The following NLGN1 variants were observed in gnomAD, a reference collection of about 807,000 sequenced individuals.
NLGN1 encodes neuroligin-1.
In NLGN1, 12 loss-of-function variants were observed where a neutral mutation model predicts 65.5. That is an observed-to-expected ratio of 0.18 (90% CI 0.12 to 0.30). The LOEUF (loss-of-function observed/expected upper bound fraction) is 0.30, where lower values mean the gene tolerates loss of function less well. NLGN1 is among the 10% of genes least tolerant of loss of function. The probability of loss-of-function intolerance (pLI) is 1.00; values close to 1 mark genes in which losing one functional copy is unlikely to be tolerated. For missense variants in NLGN1, 750 were observed against 1,007.1 expected, an observed-to-expected ratio of 0.74 and a Z score of 3.46; for synonymous variants, 350 against 359.5, an observed-to-expected ratio of 0.97 and a Z score of 0.30.
rs541457958 is a variant in NLGN1, at chr3:173,917,931, TCAAA to T, written c.646+110101_646+110104del. On this transcript the variant is annotated intron_variant, in intron 4 of 6. Transcript: ENST00000457714. ...TGATTTTAAATCAACAGGCTATGGT[TCAAA>T]CCATTTCACTTCCTTTCAGTTTGTC... Among the ~76,000 whole-genome samples the T allele has an allele frequency of 4.9e-3, 749 of 152,020 alleles. 8 individuals carry two copies. Among genetic ancestry groups the T allele is most frequent in the African/African-American group, 0.016 (645 of 41,460 alleles).
chr3:173,399,018 C>G lies in NLGN1; in HGVS notation c.-390+531C>G, dbSNP rs570936512. Among the ~76,000 whole-genome samples, 64 of 152,246 alleles carry G rather than the reference C, an allele frequency of 4.2e-4. No individual in the cohort carries two copies. In the East Asian group the frequency reaches 0.011, roughly 27 times the overall value. On this transcript the variant is annotated intron_variant, in intron 1 of 6. Transcript: ENST00000457714. The stretch of plus-strand genomic sequence containing the variant: ...ATTTCTATCAGCCATTGTAACCTAG[C>G]AGAACACAAGGTTTTTGAAATGAGC...
intron 4 of NLGN1, among the ~76,000 whole-genome samples, chr3:174,162,330 T>C (rs2152722375): frequency 6.6e-6 from 1 of 152,088 alleles, no homozygotes; most frequent in East Asian, 1.9e-4. Flanking sequence ...CATTCTGTAT[T>C]TTGTATCAAT....
At chr3:174,212,157 C>T (rs1412349534) in intron 4 of NLGN1, among the ~76,000 whole-genome samples, 1 of 152,212 alleles carries the variant, frequency 6.6e-6, no homozygotes. Flanking sequence ...TGGAGCACAG[C>T]GCCGGTGGGC....
chr3:174,208,500 A>G (rs535128260), intron 4 of NLGN1, among the ~76,000 whole-genome samples: 1 of 152,266 alleles, frequency 6.6e-6, no homozygotes, highest in African/African-American at 2.4e-5. Flanking sequence ...TAGAAAGCTA[A>G]GTCTAGGGTC....
intron 3 of NLGN1, among the ~76,000 whole-genome samples, chr3:173,748,345 A>G (rs1372700397): frequency 1.3e-5 from 2 of 152,104 alleles, no homozygotes; most frequent in African/African-American, 4.8e-5. Flanking sequence ...ATAGGGGCAG[A>G]GGAAGTTGCA....
intron 2 of NLGN1, among the ~76,000 whole-genome samples, chr3:173,573,051 G>C (rs1399431620): frequency 1.3e-5 from 2 of 152,158 alleles, no homozygotes; most frequent in Non-Finnish European, 1.5e-5. Flanking sequence ...CCCCTCAACT[G>C]TCCATTCCAT....
chr3:174,127,136 A>G (rs1719110594), intron 4 of NLGN1, among the ~76,000 whole-genome samples: 2 of 152,194 alleles, frequency 1.3e-5, no homozygotes, highest in South Asian at 4.1e-4. Flanking sequence ...AAATATTTTT[A>G]CCATCATGAC....
intron 4 of NLGN1, among the ~76,000 whole-genome samples, chr3:173,977,345 CG>C (rs1717730894): frequency 6.6e-6 from 1 of 151,588 alleles, no homozygotes; most frequent in Non-Finnish European, 1.5e-5. Context: ...GGGAAGGGCA[CG>C]TGCATAAACA....
At chr3:174,080,957 G>GTGTGTGTGTGTGTGTGT (rs1580188754) in intron 4 of NLGN1, among the ~76,000 whole-genome samples, 1 of 149,512 alleles carries the variant, frequency 6.7e-6, no homozygotes, top group African/African-American at 2.5e-5. Flanking sequence ...GTGTGTGTGT[G>GTGTGTGTGTGTGTGTGT]GTGATAGGGG....
chr3:173,551,917 A>G (rs1270149327), intron 2 of NLGN1, among the ~76,000 whole-genome samples: 2 of 152,234 alleles, frequency 1.3e-5, no homozygotes, highest in East Asian at 1.9e-4. Flanking sequence ...AGTGGCTGCT[A>G]TTTGGCTCCT....
At chr3:174,141,091 C>A (rs1256410416) in intron 4 of NLGN1, among the ~76,000 whole-genome samples, 1 of 152,204 alleles carries the variant, frequency 6.6e-6, no homozygotes, top group Non-Finnish European at 1.5e-5. Context: ...TGTTACACTT[C>A]ACTTAACATT....
intron 4 of NLGN1, among the ~76,000 whole-genome samples, chr3:173,810,166 T>A (rs1210715507): frequency 6.6e-6 from 1 of 152,220 alleles, no homozygotes; most frequent in South Asian, 2.1e-4. Flanking sequence ...TGTATTTAAA[T>A]AAATTAATTC....
chr3:173,465,478 C>A (rs755504773), intron 2 of NLGN1, among the ~76,000 whole-genome samples: 30 of 152,230 alleles, frequency 2.0e-4, no homozygotes, highest in African/African-American at 2.6e-4. Flanking sequence ...TGAGAAAGGG[C>A]ATTTGTCAGA....
At chr3:173,479,220 G>C (rs1282064389) in intron 2 of NLGN1, among the ~76,000 whole-genome samples, 1 of 152,112 alleles carries the variant, frequency 6.6e-6, no homozygotes, top group Non-Finnish European at 1.5e-5. Context: ...TGAGGAGATG[G>C]AAGGCATGAG....
At chr3:174,030,643 T>C (rs935704172) in intron 4 of NLGN1, among the ~76,000 whole-genome samples, 64 of 152,316 alleles carry the variant, frequency 4.2e-4, no homozygotes, top group African/African-American at 1.5e-3. Context: ...TCCTGAAATG[T>C]AAAATAACAG....
intron 4 of NLGN1, among the ~76,000 whole-genome samples, chr3:174,009,507 G>T (rs1292319434): frequency 6.6e-6 from 1 of 152,050 alleles, no homozygotes; most frequent in African/African-American, 2.4e-5. Context: ...AGAAAAAAAG[G>T]CTTAGAGAGA....
chr3:174,232,117 C>T (rs111615390), intron 4 of NLGN1, among the ~76,000 whole-genome samples: 4,134 of 152,022 alleles, frequency 0.027, 183 homozygotes, highest in African/African-American at 0.095. Flanking sequence ...GGGCTGAGTC[C>T]GAAAAGAGAG....
intron 2 of NLGN1, among the ~76,000 whole-genome samples, chr3:173,514,150 A>G (rs1733450301): frequency 6.6e-6 from 1 of 152,186 alleles, no homozygotes; most frequent in African/African-American, 2.4e-5. Flanking sequence ...ATCATATGAG[A>G]TTTAATGAGT....
chr3:173,696,089 A>G (rs1766179066), intron 3 of NLGN1, among the ~76,000 whole-genome samples: 1 of 152,202 alleles, frequency 6.6e-6, no homozygotes. Context: ...GAAGATTACA[A>G]GTGTGAACCA....
Sources: gnomAD v4.1 joint callset for allele counts (sites outside exome capture counted in the v4.1 genomes callset) on GRCh38, gnomAD v4.1.1 for gene constraint, MANE v1.5 for transcripts, NCBI Gene and HGNC (gene_info 2026-07-23, HGNC 2026-07-21) for gene names.